Variants in NSD1 observed in about 807,000 individuals in gnomAD.
NSD1 encodes the protein histone-lysine N-methyltransferase, H3 lysine-36 specific.
In NSD1, 26 loss-of-function variants were observed where a neutral mutation model predicts 242.7. The ratio of observed to expected loss-of-function variants is 0.11; its 90% CI spans 0.08 to 0.15. The LOEUF is 0.15. NSD1 is among the 10% of genes least tolerant of loss of function. The pLI is 1.00. For missense variants in NSD1, 2,495 were observed against 3,272.8 expected (o/e 0.76, Z 5.80); for synonymous variants, 1,106 against 1,178.1 (o/e 0.94, Z 1.25).
chr5:177,293,781 T>A (rs959211457), intron 22 of NSD1, 51 bp from the exon 23 acceptor site: 3 of 1,599,062 alleles, frequency 1.9e-6, no homozygotes, highest in Non-Finnish European at 1.7e-6. Flanking sequence ...TTGGCCCATG[T>A]GATATGTATC....
At chr5:177,277,240 G>A (rs529591250) in intron 17 of NSD1, among the ~76,000 whole-genome samples, 1 of 151,478 alleles carries the variant, frequency 6.6e-6, no homozygotes, top group East Asian at 1.9e-4. Context: ...TAATACTCTT[G>A]AACTACAGGT....
At chr5:177,202,833 T>C (rs1024657920) in intron 3 of NSD1, among the ~76,000 whole-genome samples, 4 of 152,160 alleles carry the variant, frequency 2.6e-5, no homozygotes, top group Non-Finnish European at 5.9e-5. Flanking sequence ...AATAAGGAGT[T>C]CATTTTTTTT....
chr5:177,181,934 C>T (rs1212183971), intron 2 of NSD1, among the ~76,000 whole-genome samples: 10 of 151,662 alleles, frequency 6.6e-5, no homozygotes, highest in Admixed American at 1.3e-4. Flanking sequence ...GGGCGGATCA[C>T]GAGGTCAGGA....
At chr5:177,274,989 C>A (rs562528165) in intron 17 of NSD1, among the ~76,000 whole-genome samples, 28 of 152,072 alleles carry the variant, frequency 1.8e-4, no homozygotes, top group Non-Finnish European at 3.4e-4. Flanking sequence ...CCGCCACAGC[C>A]TCCCAAAGTG....
rs1762574290 is a variant in NSD1, at chr5:177,202,342, C to CT, written c.1064-1777dup. 5.3e-5 allele frequency among the ~76,000 whole-genome samples: 8 copies of CT among 152,104 alleles called. 1 individual carries two copies. The South Asian group carries it at 1.7e-3, about 32-fold the overall frequency. On this transcript the variant is annotated intron_variant, in intron 3 of 22. Transcript: ENST00000439151. ...TGAGTTCTTTTTTCTCCTCACGTTG[C>CT]TGGCACATCAGAAGTTCTTGATCTG...
At position 177,231,576 on chromosome 5, in the gene NSD1, C is replaced by T. The variant is rs564089581; in HGVS notation, c.3797-4245C>T. ...CTGAGTAGCTGGGACTACAGGCATA[C>T]GCCACTACACAATTTTTTATTTTTA... On this transcript the variant is annotated intron_variant, in intron 5 of 22. Transcript: ENST00000439151. Among the ~76,000 whole-genome samples the T allele has an allele frequency of 2.1e-3, 314 of 152,164 alleles. 2 individuals are homozygous for T. Among genetic ancestry groups the T allele is most frequent in the Non-Finnish European group, 1.8e-3 (125 of 68,010 alleles).
At chr5:177,196,528 G>C (rs73347604) in intron 3 of NSD1, among the ~76,000 whole-genome samples, 1 of 152,126 alleles carries the variant, frequency 6.6e-6, no homozygotes. Context: ...GAGGCTTTCA[G>C]TTCTCAGGTT....
chr5:177,201,435 T>C (rs2149833193), intron 3 of NSD1, among the ~76,000 whole-genome samples: 1 of 152,304 alleles, frequency 6.6e-6, no homozygotes, highest in African/African-American at 2.4e-5. Context: ...GCCCAACCTT[T>C]ATTAGTTTCC....
intron 3 of NSD1, among the ~76,000 whole-genome samples, chr5:177,198,383 G>A (rs932076552): frequency 6.6e-6 from 1 of 152,042 alleles, no homozygotes; most frequent in African/African-American, 2.4e-5. Flanking sequence ...TAGCCAATTC[G>A]GATCCCAAGT....
At chr5:177,175,166 C>T (rs1023996040) in intron 2 of NSD1, among the ~76,000 whole-genome samples, 1 of 152,166 alleles carries the variant, frequency 6.6e-6, no homozygotes, top group Admixed American at 6.6e-5. Flanking sequence ...CCACTACACC[C>T]GGCCTGACTT....
intron 2 of NSD1, among the ~76,000 whole-genome samples, chr5:177,137,734 G>T (rs758958006): frequency 6.6e-6 from 1 of 151,970 alleles, no homozygotes; most frequent in Non-Finnish European, 1.5e-5. Context: ...CATACAAATA[G>T]AATTGTAAAC....
intron 2 of NSD1, among the ~76,000 whole-genome samples, chr5:177,149,472 G>A (rs1581131719): frequency 1.3e-5 from 2 of 152,094 alleles, no homozygotes; most frequent in Admixed American, 6.6e-5. Context: ...TGCCCACCTC[G>A]GCCTCCCAAA....
chr5:177,285,918 C>T (rs1314825961), intron 20 of NSD1, among the ~76,000 whole-genome samples: 4 of 152,070 alleles, frequency 2.6e-5, no homozygotes, highest in African/African-American at 4.8e-5. Flanking sequence ...TTTGTTGAAA[C>T]GGAGTCTCGC....
chr5:177,277,795 T>C (rs192695317), intron 17 of NSD1, among the ~76,000 whole-genome samples: 1 of 152,298 alleles, frequency 6.6e-6, no homozygotes, highest in East Asian at 1.9e-4. Context: ...CAGTGAGCTG[T>C]GATTGCACTA....
rs867394322 is a variant in NSD1, at chr5:177,210,303, C to T, written c.1904C>T (p.Ser635Phe). The change falls in exon 5 of 23, where the codon TCC becomes TTC. Residue 635 changes from serine to phenylalanine, a missense_variant. This residue lies in a region of NSD1 where 515 missense variants were observed against 467.0 expected (regional missense o/e 1.10). Transcript: ENST00000439151. ...GAGDEEKRSD[S>F]ISICTTSDDG... ...GGTGATGAGGAAAAGCGAAGTGATT[C>T]CATTAGTATCTGTACCACTTCTGAT... is the stretch of plus-strand genomic sequence containing the variant. 6.2e-7 allele frequency: 1 copy of T among 1,611,982 alleles called. No individual in the cohort carries two copies. Among genetic ancestry groups the T allele is most frequent in the Non-Finnish European group, 8.5e-7 (1 of 1,178,974 alleles).
chr5:177,290,040 G>A (rs1391518930), intron 21 of NSD1, among the ~76,000 whole-genome samples: 1 of 151,742 alleles, frequency 6.6e-6, no homozygotes, highest in Admixed American at 6.6e-5. Flanking sequence ...TTGTTAGCCA[G>A]GTTGGTCTCG....
intron 5 of NSD1, among the ~76,000 whole-genome samples, chr5:177,225,022 ATGT>A (rs1462885501): frequency 1.3e-5 from 2 of 152,058 alleles, no homozygotes; most frequent in Admixed American, 1.3e-4. Context: ...ATGTTGTGTA[ATGT>A]TGTTGGATGT....
Position 177,281,333 on chromosome 5 carries a change from CTT to C in NSD1, c.5892+512_5892+513del, listed in dbSNP as rs11384478. ...TAATAAATAAATAATATTGTATAGTCTTTTTTTTTTTTTTAATAAAATAAGCC... is the reference window on the plus strand; with the variant it reads ...TAATAAATAAATAATATTGTATAGTCTTTTTTTTTTTTAATAAAATAAGCC... On this transcript the variant is annotated intron_variant, in intron 18 of 22. Transcript: ENST00000439151. Among the ~76,000 whole-genome samples the C allele has an allele frequency of 6.0e-3, 856 of 142,108 alleles. 10 individuals are homozygous for C. Among genetic ancestry groups the C allele is most frequent in the African/African-American group, 0.022 (805 of 37,398 alleles). 93.2% of individuals were successfully genotyped at this position (142,108 alleles called of 152,430 possible). A position where few individuals can be genotyped will look rare whatever the true frequency, so the allele number is the denominator to read the frequency against.
chr5:177,226,896 GTTAAT>G (rs1458937894), intron 5 of NSD1, among the ~76,000 whole-genome samples: 4 of 152,162 alleles, frequency 2.6e-5, no homozygotes, highest in Non-Finnish European at 5.9e-5. Context: ...GTTTCAGATG[GTTAAT>G]TTACTTTGGT....
Sources: allele counts gnomAD v4.1 joint callset (sites outside exome capture counted in the v4.1 genomes callset), GRCh38; gene constraint gnomAD v4.1.1; regional missense constraint gnomAD v4.1.1; transcripts MANE v1.5; gene names NCBI Gene and HGNC (gene_info 2026-07-23, HGNC 2026-07-21).